Variants in RGS7 observed in about 807,000 individuals in gnomAD.
RGS7 encodes the protein regulator of G protein signaling 7.
In RGS7, 27 loss-of-function variants were observed where a neutral mutation model predicts 81.1. The observed-to-expected ratio is 0.33, with a 90% CI of 0.25 to 0.46. The LOEUF is 0.46. Among genes scored for constraint, RGS7 ranks in the 20% least tolerant of loss-of-function variants. RGS7 has a pLI of 1.00. For synonymous variants in RGS7, 208 were observed against 207.7 expected, an observed-to-expected ratio of 1.00 and a Z score of -0.01; for missense variants, 396 against 607.4, an observed-to-expected ratio of 0.65 and a Z score of 3.66.
intron 18 of RGS7, among the ~76,000 whole-genome samples, chr1:240,780,262 C>A (rs1295266272): frequency 6.6e-6 from 1 of 151,834 alleles, no homozygotes; most frequent in Non-Finnish European, 1.5e-5. Context: ...GCCTGGCCAA[C>A]ATGGTGAAAC....
At chr1:241,300,924 C>A (rs964418760) in intron 2 of RGS7, among the ~76,000 whole-genome samples, 3 of 152,190 alleles carry the variant, frequency 2.0e-5, no homozygotes, top group Non-Finnish European at 4.4e-5. Flanking sequence ...CAACATTCAG[C>A]GTTGTCAGTG....
At chr1:240,941,897 G>A (rs374054283) in intron 4 of RGS7, among the ~76,000 whole-genome samples, 22 of 150,526 alleles carry the variant, frequency 1.5e-4, no homozygotes, top group Admixed American at 6.7e-5. Context: ...GCAGCATCAC[G>A]CTTCACGGCA....
Position 240,895,092 on chromosome 1 carries a change from C to T in RGS7, c.386-24973G>A, listed in dbSNP as rs568194261. On this transcript the variant is annotated intron_variant, in intron 6 of 18. Transcript: ENST00000440928. ...TCATCTAAAAGTGTGTGGCCCTTCC[C>T]CCTCACTCTCTCCCTCTTGCTCCTG... is the stretch of plus-strand genomic sequence containing the variant. Among the ~76,000 whole-genome samples the T allele has an allele frequency of 2.0e-5, 3 of 151,896 alleles. No homozygotes were observed. In the South Asian group the frequency reaches 6.2e-4, roughly 32 times the overall value.
chr1:241,104,779 A>G (rs2064998359), intron 2 of RGS7, among the ~76,000 whole-genome samples: 2 of 152,228 alleles, frequency 1.3e-5, no homozygotes, highest in Admixed American at 6.5e-5. Context: ...TTAACTAGTA[A>G]AACTATCTGT....
chr1:240,913,255 G>A (rs1672053930), intron 6 of RGS7, among the ~76,000 whole-genome samples: 1 of 152,168 alleles, frequency 6.6e-6, no homozygotes, highest in Non-Finnish European at 1.5e-5. Flanking sequence ...CATGATGTAA[G>A]TATGCATACA....
chr1:240,859,949 G>A (rs4307552), intron 9 of RGS7, among the ~76,000 whole-genome samples: 1 of 152,020 alleles, frequency 6.6e-6, no homozygotes, highest in Non-Finnish European at 1.5e-5. Context: ...TTTCTCTTGA[G>A]ACTGCTTCTA....
intron 3 of RGS7, among the ~76,000 whole-genome samples, chr1:241,068,166 G>A (rs761429134): frequency 7.4e-5 from 11 of 148,942 alleles, no homozygotes; most frequent in Non-Finnish European, 1.6e-4. Flanking sequence ...AATTCAGTGG[G>A]TCAGTATTTT....
chr1:240,806,029 A>C, intron 15 of RGS7, 111 bp downstream of exon 15: 1 of 949,078 alleles, frequency 1.1e-6, no homozygotes, highest in Admixed American at 1.8e-5. Context: ...ACAGTTATCT[A>C]AATTGAAAAT....
intron 2 of RGS7, among the ~76,000 whole-genome samples, chr1:241,228,265 G>A (rs923768245): frequency 1.3e-5 from 2 of 152,180 alleles, no homozygotes; most frequent in African/African-American, 4.8e-5. Context: ...CATTGTAGAA[G>A]TGATCTCCTC....
In RGS7 at chr1:240,861,447, G is replaced by C. The variant is rs577986219; in HGVS notation, c.609+7140C>G. On this transcript the variant is annotated intron_variant, in intron 9 of 18. Coordinates refer to ENST00000440928, the MANE Select transcript of RGS7 (RefSeq NM_001364886.1). ...AATTATGAATCTCATTTTCTATCCA[G>C]TGATTGCCTTTTCTCCATTCTGTTT... Among the ~76,000 whole-genome samples, 4 of 152,218 alleles carry C rather than the reference G, an allele frequency of 2.6e-5. No individual in the cohort carries two copies. In the South Asian group the frequency reaches 8.3e-4, roughly 32 times the overall value.
intron 15 of RGS7, among the ~76,000 whole-genome samples, chr1:240,804,422 A>G (rs1360458000): frequency 6.6e-6 from 1 of 152,052 alleles, no homozygotes; most frequent in African/African-American, 2.4e-5. Flanking sequence ...ATCAGAACCC[A>G]GGCAATTTAC....
intron 2 of RGS7, among the ~76,000 whole-genome samples, chr1:241,355,064 T>C (rs910240648): frequency 1.3e-5 from 2 of 152,104 alleles, no homozygotes. Context: ...AATCTATTTG[T>C]GGCCAAAAAA....
At chr1:240,967,679 G>C (rs1682562222) in intron 4 of RGS7, among the ~76,000 whole-genome samples, 1 of 152,062 alleles carries the variant, frequency 6.6e-6, no homozygotes, top group African/African-American at 2.4e-5. Context: ...ACCACATATG[G>C]GGAGTAGGAA....
At chr1:241,109,395 A>G (rs1156878352) in intron 2 of RGS7, among the ~76,000 whole-genome samples, 5 of 152,162 alleles carry the variant, frequency 3.3e-5, no homozygotes, top group Non-Finnish European at 7.3e-5. Flanking sequence ...ATTCTCTGTT[A>G]AACTACTTGA....
intron 7 of RGS7, among the ~76,000 whole-genome samples, chr1:240,869,181 G>T (rs1240476271): frequency 6.6e-6 from 1 of 152,034 alleles, no homozygotes; most frequent in Non-Finnish European, 1.5e-5. Context: ...GGATTTTTCG[G>T]TACCCACTTT....
At chr1:240,815,172 T>TA (rs1015736017) in intron 11 of RGS7, among the ~76,000 whole-genome samples, 3 of 151,920 alleles carry the variant, frequency 2.0e-5, no homozygotes, top group East Asian at 1.9e-4. Flanking sequence ...ACCCTGTCTG[T>TA]AAAAAAATAT....
chr1:241,287,410 C>T (rs1414607509), intron 2 of RGS7, among the ~76,000 whole-genome samples: 1 of 152,200 alleles, frequency 6.6e-6, no homozygotes, highest in East Asian at 1.9e-4. Flanking sequence ...TTTTATAAAG[C>T]GGAGTTCCCC....
At chr1:241,154,100 G>A (rs964664307) in intron 2 of RGS7, among the ~76,000 whole-genome samples, 3 of 152,262 alleles carry the variant, frequency 2.0e-5, no homozygotes, top group South Asian at 2.1e-4. Context: ...TTTTTGTGGC[G>A]AGATTCTAGT....
intron 12 of RGS7, 67 bp downstream of exon 12, chr1:240,814,649 C>G: frequency 1.0e-6 from 1 of 971,342 alleles, no homozygotes; most frequent in Non-Finnish European, 1.7e-6. Flanking sequence ...AGTTCTCTTT[C>G]ATTTTTAAAC....
Sources: gnomAD v4.1 joint callset for allele counts (sites outside exome capture counted in the v4.1 genomes callset) on GRCh38, gnomAD v4.1.1 for gene constraint, MANE v1.5 for transcripts, NCBI Gene and HGNC (gene_info 2026-07-23, HGNC 2026-07-21) for gene names.